The following ADGRV1 variants were observed in gnomAD, a reference collection of about 807,000 sequenced individuals.
ADGRV1 encodes the protein adhesion G protein-coupled receptor V1.
A neutral mutation model predicts 596.2 loss-of-function variants in ADGRV1; 359 were observed. That is an observed-to-expected ratio of 0.60 (90% CI 0.55 to 0.66). ADGRV1 has a LOEUF of 0.66. Among genes scored for constraint, ADGRV1 ranks in the 30% least tolerant of loss-of-function variants. ADGRV1 has a pLI of 0.00. For synonymous variants in ADGRV1, 2,681 were observed against 2,679.2 expected, an observed-to-expected ratio of 1.00 and a Z score of -0.02; for missense variants, 7,274 against 7,575.6, an observed-to-expected ratio of 0.96 and a Z score of 1.48.
chr5:90,802,618 A>C, intron 70 of ADGRV1, 121 bp from the exon 71 acceptor site: 1 of 754,686 alleles, frequency 1.3e-6, no homozygotes, highest in East Asian at 2.7e-5. Flanking sequence ...GGAAAAGTGC[A>C]TGTATTGATG....
At chr5:91,031,135 A>T in intron 85 of ADGRV1, 1 of 1,340,154 alleles carries the variant, frequency 7.5e-7, no homozygotes, top group Non-Finnish European at 1.1e-6. Context: ...GAACAGAAAC[A>T]TCTGTAAGTA....
chr5:90,739,064 C>T (rs1040047576), intron 50 of ADGRV1, among the ~76,000 whole-genome samples: 1 of 151,728 alleles, frequency 6.6e-6, no homozygotes, highest in Non-Finnish European at 1.5e-5. Context: ...CTTTCTTCTG[C>T]TTGATCAAGT....
At chr5:90,766,360 T>C (rs1374503614) in intron 59 of ADGRV1, among the ~76,000 whole-genome samples, 3 of 152,154 alleles carry the variant, frequency 2.0e-5, no homozygotes, top group Non-Finnish European at 4.4e-5. Context: ...CTGTAATCGT[T>C]ACATGTATTT....
intron 36 of ADGRV1, among the ~76,000 whole-genome samples, chr5:90,705,090 G>A (rs1748424794): frequency 6.6e-6 from 1 of 152,160 alleles, no homozygotes; most frequent in Non-Finnish European, 1.5e-5. Context: ...TTACAGGCGT[G>A]AGCCACCACA....
At chr5:90,733,155 A>G (rs1454587894) in intron 50 of ADGRV1, among the ~76,000 whole-genome samples, 4 of 152,208 alleles carry the variant, frequency 2.6e-5, no homozygotes, top group Non-Finnish European at 5.9e-5. Flanking sequence ...TCCTTGTGGG[A>G]AAGAGAAGTT....
intron 40 of ADGRV1, 35 bp downstream of exon 40, chr5:90,711,094 G>C (rs1238295410): frequency 1.3e-5 from 21 of 1,575,344 alleles, no homozygotes; most frequent in Non-Finnish European, 1.7e-5. Flanking sequence ...CCTCTTCTGG[G>C]TTTCATATTA....
At chr5:90,705,842 C>A (rs1471246839) in intron 37 of ADGRV1, among the ~76,000 whole-genome samples, 1 of 152,214 alleles carries the variant, frequency 6.6e-6, no homozygotes, top group Non-Finnish European at 1.5e-5. Flanking sequence ...CTAATCTACA[C>A]TGGGCTTGGC....
chr5:90,965,603 G>A lies in ADGRV1; in HGVS notation c.17973+72G>A. 4 of 800,462 alleles carry A rather than the reference G, an allele frequency of 5.0e-6. No homozygotes were observed. In the East Asian group the frequency reaches 7.4e-5, roughly 15 times the overall value. 49.6% of individuals were successfully genotyped at this position (800,462 alleles called of 1,614,324 possible). On this transcript the variant is annotated intron_variant, in intron 84 of 89. Coordinates refer to ENST00000405460, the MANE Select transcript of ADGRV1 (RefSeq NM_032119.4). ...TCTGGGTGGAGTGGTCTTAATGTCTGATACTCTGTACTGAAGTAGAAGTAA... is the reference window on the plus strand; with the variant it reads ...TCTGGGTGGAGTGGTCTTAATGTCTAATACTCTGTACTGAAGTAGAAGTAA...
intron 83 of ADGRV1, among the ~76,000 whole-genome samples, chr5:90,917,470 C>T (rs867096221): frequency 1.3e-5 from 2 of 152,190 alleles, no homozygotes; most frequent in South Asian, 4.2e-4. Flanking sequence ...CAGCTTGTGC[C>T]AACCATGTGC....
chr5:90,756,837 T>C (rs1755880627), intron 56 of ADGRV1, 142 bp from the exon 57 acceptor site: 1 of 768,682 alleles, frequency 1.3e-6, no homozygotes, highest in Non-Finnish European at 2.1e-6. Context: ...CAGAAGACCT[T>C]TTATGCATAC....
intron 1 of ADGRV1, among the ~76,000 whole-genome samples, chr5:90,588,331 G>A (rs1237815545): frequency 2.6e-5 from 4 of 152,172 alleles, no homozygotes; most frequent in African/African-American, 9.7e-5. Context: ...ATATAAATGT[G>A]TTATATATTT....
chr5:91,088,646 A>C (rs1488888394), intron 86 of ADGRV1, among the ~76,000 whole-genome samples: 1 of 152,156 alleles, frequency 6.6e-6, no homozygotes, highest in East Asian at 1.9e-4. Flanking sequence ...TCTTAAAAAG[A>C]AAAATGGAAG....
At chr5:90,929,020 C>T (rs369760978) in intron 83 of ADGRV1, among the ~76,000 whole-genome samples, 1 of 150,022 alleles carries the variant, frequency 6.7e-6, no homozygotes, top group East Asian at 2.0e-4. Flanking sequence ...CTGGGAGAAC[C>T]ACTGCTCTCT....
intron 52 of ADGRV1, 144 bp downstream of exon 52, chr5:90,745,939 G>C (rs1344346343): frequency 1.2e-5 from 7 of 589,992 alleles, no homozygotes; most frequent in East Asian, 2.8e-5. Context: ...TCCCTTTTAT[G>C]TGCATTCTAG....
intron 55 of ADGRV1, among the ~76,000 whole-genome samples, chr5:90,755,839 A>G (rs1259684953): frequency 2.7e-5 from 4 of 148,588 alleles, no homozygotes; most frequent in South Asian, 2.1e-4. Flanking sequence ...AGAATATATT[A>G]TATGTTATTA....
chr5:91,005,983 T>A (rs942973050), intron 85 of ADGRV1, among the ~76,000 whole-genome samples: 1 of 152,194 alleles, frequency 6.6e-6, no homozygotes, highest in African/African-American at 2.4e-5. Flanking sequence ...CTTAATTCAT[T>A]GGCCCCAACC....
chr5:91,056,250 A>G (rs1786840416), intron 85 of ADGRV1, among the ~76,000 whole-genome samples: 1 of 145,066 alleles, frequency 6.9e-6, no homozygotes, highest in Admixed American at 7.0e-5. Context: ...TGCTGAGCAT[A>G]CTTCTCAGAG....
intron 87 of ADGRV1, among the ~76,000 whole-genome samples, chr5:91,139,998 A>G (rs1794962901): frequency 6.6e-6 from 1 of 152,040 alleles, no homozygotes; most frequent in Non-Finnish European, 1.5e-5. Flanking sequence ...CTTCCTGTTC[A>G]TGTCCTCCAG....
intron 61 of ADGRV1, among the ~76,000 whole-genome samples, 166 bp from the exon 62 acceptor site, chr5:90,777,739 G>C (rs1581091994): frequency 6.6e-6 from 1 of 152,048 alleles, no homozygotes; most frequent in East Asian, 1.9e-4. Context: ...TACTATCTTG[G>C]AACTTTAAGA....
Sources: allele counts gnomAD v4.1 joint callset (sites outside exome capture counted in the v4.1 genomes callset), GRCh38; gene constraint gnomAD v4.1.1; transcripts MANE v1.5; gene names NCBI Gene and HGNC (gene_info 2026-07-23, HGNC 2026-07-21).